Variants in DST observed in about 807,000 individuals in gnomAD.
DST encodes the protein dystonin.
Under a neutral mutation model 875.2 loss-of-function variants are expected in DST, and 253 were observed. That is an observed-to-expected ratio of 0.29 (90% CI 0.26 to 0.32). The LOEUF is 0.32. Among genes scored for constraint, DST ranks in the 10% least tolerant of loss-of-function variants. The probability of loss-of-function intolerance (pLI) is 1.00; values close to 1 mark genes in which losing one functional copy is unlikely to be tolerated. For synonymous variants in DST, 3,124 were observed against 3,197.1 expected, an observed-to-expected ratio of 0.98 and a Z score of 0.77; for missense variants, 8,287 against 9,111.6, an observed-to-expected ratio of 0.91 and a Z score of 3.68.
chr6:56,665,454 G>C (rs149841053), intron 10 of DST, among the ~76,000 whole-genome samples: 2 of 152,002 alleles, frequency 1.3e-5, no homozygotes, highest in East Asian at 3.9e-4. Flanking sequence ...TGAGCTTCAA[G>C]AATGCGCTAT....
intron 9 of DST, among the ~76,000 whole-genome samples, chr6:56,680,228 T>C (rs1349250753): frequency 6.6e-6 from 1 of 152,166 alleles, no homozygotes; most frequent in African/African-American, 2.4e-5. Context: ...ACCATTCCAC[T>C]AAAACTAAGT....
At chr6:56,706,099 A>G (rs1201912325) in intron 5 of DST, among the ~76,000 whole-genome samples, 1 of 152,176 alleles carries the variant, frequency 6.6e-6, no homozygotes, top group African/African-American at 2.4e-5. Context: ...CAATCACCTG[A>G]GGTCAGGAGT....
intron 69 of DST, among the ~76,000 whole-genome samples, chr6:56,521,410 T>C (rs2096699337): frequency 6.6e-6 from 1 of 151,424 alleles, no homozygotes; most frequent in Non-Finnish European, 1.5e-5. Context: ...AGTATTTAAA[T>C]GAGTGTCCTC....
chr6:56,465,867 TA>T lies in DST; in HGVS notation c.22687+210del, dbSNP rs11359681. On this transcript the variant is annotated intron_variant, in intron 99 of 103. Coordinates refer to ENST00000680361, the MANE Select transcript of DST (RefSeq NM_001374736.1). The stretch of plus-strand genomic sequence containing the variant: ...GCCCACCATATTTATCCAGAAAAAG[TA>T]AAAAAAAAAAAAAAAAAGAAAGAAA... Among the ~76,000 whole-genome samples, 46,488 of 112,344 alleles carry T rather than the reference TA, an allele frequency of 0.41. 7,882 individuals are homozygous for T. Among genetic ancestry groups the T allele is most frequent in the Middle Eastern group, 0.55 (117 of 212 alleles). The allele number at this position is 112,344 out of a possible 152,430, so 73.7% of individuals were successfully genotyped here.
intron 69 of DST, among the ~76,000 whole-genome samples, chr6:56,518,560 C>G (rs1049244730): frequency 3.9e-5 from 6 of 152,106 alleles, no homozygotes; most frequent in African/African-American, 1.4e-4. Flanking sequence ...TACAAACAAC[C>G]CTATAATGAA....
At chr6:56,523,796 C>T (rs2096748131) in intron 69 of DST, among the ~76,000 whole-genome samples, 2 of 152,080 alleles carry the variant, frequency 1.3e-5, no homozygotes, top group East Asian at 3.8e-4. Context: ...ATTCAAGACA[C>T]ATGTCCTTAC....
chr6:56,816,836 T>C (rs2099767139), intron 4 of DST, among the ~76,000 whole-genome samples: 1 of 152,124 alleles, frequency 6.6e-6, no homozygotes, highest in South Asian at 2.1e-4. Context: ...TTTTGCTTTT[T>C]CTATGCTCTT....
chr6:56,890,624 A>G (rs1786925797), intron 3 of DST, among the ~76,000 whole-genome samples: 1 of 152,252 alleles, frequency 6.6e-6, no homozygotes, highest in South Asian at 2.1e-4. Context: ...CCCCATTACA[A>G]ATTCTTATAG....
At chr6:56,495,063 T>C (rs1403458878) in intron 82 of DST, among the ~76,000 whole-genome samples, 3 of 151,608 alleles carry the variant, frequency 2.0e-5, no homozygotes, top group Non-Finnish European at 4.4e-5. Flanking sequence ...TAATCACCAC[T>C]AACTCCAGAA....
chr6:56,933,213 CA>C (rs975916088), intron 2 of DST, among the ~76,000 whole-genome samples: 1 of 152,150 alleles, frequency 6.6e-6, no homozygotes, highest in Non-Finnish European at 1.5e-5. Flanking sequence ...CTTCCTTAAC[CA>C]ATTGCAAAAC....
chr6:56,592,980 T>C lies in DST; in HGVS notation c.12727-622A>G, dbSNP rs542860770. Among the ~76,000 whole-genome samples, 14 of 152,126 alleles carry C rather than the reference T, an allele frequency of 9.2e-5. No individual in the cohort carries two copies. In the East Asian group the frequency reaches 2.1e-3, roughly 23 times the overall value. ...ATTAAAATAACATACTGATCAAATA[T>C]ACAAGACAAACACCTGCAGTGTTTG... is the stretch of plus-strand genomic sequence containing the variant. On this transcript the variant is annotated intron_variant, in intron 48 of 103. Transcript: ENST00000680361.
Position 56,948,392 on chromosome 6 carries a change from C to T in DST, c.216+5393G>A, listed in dbSNP as rs114783832. Among the ~76,000 whole-genome samples the T allele has an allele frequency of 9.3e-3, 1,411 of 152,184 alleles. 21 individuals are homozygous for T. Among genetic ancestry groups the T allele is most frequent in the African/African-American group, 0.033 (1,351 of 41,528 alleles). Reference sequence around the variant, plus strand: ...AACACAAGTGTGGCAATACAGTTGACGGTAAACCTGATAACTGAGATGGCC... The same window carrying T: ...AACACAAGTGTGGCAATACAGTTGATGGTAAACCTGATAACTGAGATGGCC... On this transcript the variant is annotated intron_variant, in intron 2 of 103. Coordinates refer to ENST00000680361, the MANE Select transcript of DST (RefSeq NM_001374736.1).
intron 4 of DST, among the ~76,000 whole-genome samples, chr6:56,739,387 T>C (rs573783424): frequency 1.3e-5 from 2 of 152,136 alleles, no homozygotes; most frequent in Non-Finnish European, 2.9e-5. Flanking sequence ...AACAATTTAC[T>C]AGTTCTCTTC....
intron 4 of DST, among the ~76,000 whole-genome samples, chr6:56,758,473 C>T (rs143383323): frequency 2.0e-3 from 312 of 152,344 alleles, no homozygotes; most frequent in Non-Finnish European, 3.8e-3. Context: ...TGGAATTCAA[C>T]TATGAAAACC....
At position 56,572,736 on chromosome 6, in the gene DST, G is replaced by C; in HGVS notation, c.13554+11C>G. 6.5e-7 allele frequency: 1 copy of C among 1,544,784 alleles called. No individual in the cohort carries two copies. The highest frequency in any genetic ancestry group is 8.7e-7 in the Non-Finnish European group (1 of 1,147,114). On this transcript the variant is annotated intron_variant, in intron 52 of 103. Coordinates refer to ENST00000680361, the MANE Select transcript of DST (RefSeq NM_001374736.1). ...ATCTGATTAGCCTCCTGAGTAGTAA[G>C]GGAGGCATACCTGCATATACTGAGA... is the stretch of plus-strand genomic sequence containing the variant.
chr6:56,942,063 C>G (rs756177180), intron 2 of DST, among the ~76,000 whole-genome samples: 2 of 152,116 alleles, frequency 1.3e-5, no homozygotes, highest in African/African-American at 2.4e-5. Context: ...TTCATCATTG[C>G]GGAACATCCC....
intron 2 of DST, among the ~76,000 whole-genome samples, chr6:56,941,732 C>T (rs185669777): frequency 3.1e-4 from 47 of 152,290 alleles, no homozygotes; most frequent in East Asian, 1.7e-3. Flanking sequence ...CCTACTACCT[C>T]GGCCTCCCAA....
At chr6:56,707,456 G>T (rs903608808) in intron 5 of DST, among the ~76,000 whole-genome samples, 4 of 152,146 alleles carry the variant, frequency 2.6e-5, no homozygotes, top group African/African-American at 9.7e-5. Context: ...CAGCTGCTTT[G>T]TCTCTCAAAA....
chr6:56,586,103 C>A (rs1291325545), intron 49 of DST, among the ~76,000 whole-genome samples: 1 of 152,110 alleles, frequency 6.6e-6, no homozygotes, highest in East Asian at 1.9e-4. Context: ...CTGCAGATGT[C>A]TATTAGGTCT....
Sources: allele counts gnomAD v4.1 joint callset (sites outside exome capture counted in the v4.1 genomes callset), GRCh38; gene constraint gnomAD v4.1.1; transcripts MANE v1.5; gene names NCBI Gene and HGNC (gene_info 2026-07-23, HGNC 2026-07-21).